Variants in FRG2C observed in about 807,000 individuals in gnomAD.
The protein encoded by FRG2C is FSHD region gene 2 family member C, also known as protein FRG2-like-2.
A neutral mutation model predicts 14.1 loss-of-function variants in FRG2C; 8 were observed. The ratio of observed to expected loss-of-function variants is 0.57; its 90% CI spans 0.33 to 1.02. The LOEUF (loss-of-function observed/expected upper bound fraction) is 1.02. Ranked by LOEUF, FRG2C falls within the 50% of genes least tolerant of loss-of-function variation. The pLI is 0.03. For synonymous variants in FRG2C, 92 were observed against 127.4 expected (o/e 0.72, Z 1.87); for missense variants, 214 against 334.2 (o/e 0.64, Z 2.80).
chr3:75,665,400 TC>T, intron 3 of FRG2C, 126 bp from the exon 4 acceptor site: 5 of 1,492,062 alleles, frequency 3.4e-6, no homozygotes, highest in Non-Finnish European at 4.5e-6. Context: ...CTCACTTCAT[TC>T]CAGTCCTGAG....
chr3:75,664,698 T>A, intron 1 of FRG2C, 121 bp from the exon 2 acceptor site: 1 of 1,606,426 alleles, frequency 6.2e-7, no homozygotes. Context: ...TTGAGAAATG[T>A]GTTCACTCAT....
In FRG2C at chr3:75,665,956, T is replaced by C. The variant is rs1937086448; in HGVS notation, c.764T>C (p.Leu255Pro). The change falls in exon 4 of 4, where the codon CTG becomes CCG. Residue 255 changes from leucine (L) to proline (P), a missense_variant. Coordinates refer to ENST00000308062, the MANE Select transcript of FRG2C (RefSeq NM_001124759.5). ...CTGCCTGGTCCTGGGGATTCAGCCCTGGATAGAGAAGCCCATCCCTTCCCT... is the reference window on the plus strand; with the variant it reads ...CTGCCTGGTCCTGGGGATTCAGCCCCGGATAGAGAAGCCCATCCCTTCCCT... ...ATLPGPGDSA[L>P]DREAHPFPGQ... is the part of the protein sequence containing the mutation. 1.2e-6 allele frequency: 2 copies of C among 1,612,282 alleles called. No homozygotes were observed. The highest frequency in any genetic ancestry group is 1.7e-6 in the Non-Finnish European group (2 of 1,179,878).
intron 3 of FRG2C, 94 bp downstream of exon 3, chr3:75,665,297 G>C: frequency 6.9e-7 from 1 of 1,449,054 alleles, no homozygotes; most frequent in South Asian, 1.2e-5. Flanking sequence ...ACTTTTATAC[G>C]AGGCTTGAGC....
chr3:75,664,673 T>G, intron 1 of FRG2C, 116 bp downstream of exon 1: 10 of 1,610,296 alleles, frequency 6.2e-6, no homozygotes, highest in Non-Finnish European at 8.5e-6. Flanking sequence ...AATGGCTTAG[T>G]GCCCTTAGGG....
intron 3 of FRG2C, 50 bp from the exon 4 acceptor site, chr3:75,665,477 A>C (rs1172465527): frequency 2.5e-6 from 4 of 1,576,876 alleles, no homozygotes; most frequent in East Asian, 4.5e-5. Context: ...TCTGGAAATG[A>C]GGGTCTGTGG....
rs1312112626 is a variant in FRG2C, at chr3:75,665,729, T to G, written c.537T>G (p.Ser179=). ...CACTTCGAAAAAGCTTGGTGACCTC[T>G]GTGCGAGCTATGTCGGAGGCTGTTT... is the stretch of plus-strand genomic sequence containing the variant. ...TPSLRKSLVT[S]VRAMSEAVYQ... is the part of the protein sequence containing the mutation. The change falls in exon 4 of 4, where the codon TCT becomes TCG. Residue 179 remains serine, a synonymous_variant. Coordinates refer to ENST00000308062, the MANE Select transcript of FRG2C (RefSeq NM_001124759.5). The G allele has an allele frequency of 2.2e-5, 36 of 1,614,068 alleles. No individual in the cohort carries two copies. The East Asian group carries it at 6.2e-4, about 28-fold the overall frequency.
Position 75,665,535 on chromosome 3 carries a change from C to A in FRG2C, c.343C>A (p.Pro115Thr). ...ACATGCTTTCTTTGCAGGGAACTGTCCAGAAGAGGAGTGCAACTTGACGTT... is the reference window on the plus strand; with the variant it reads ...ACATGCTTTCTTTGCAGGGAACTGTACAGAAGAGGAGTGCAACTTGACGTT... ...DICQDRAGNC[P>T]EEECNLTLNK... The change falls in exon 4 of 4, where the codon CCA becomes ACA. Residue 115 changes from proline (P) to threonine (T), a missense_variant. Transcript: ENST00000308062. The A allele has an allele frequency of 6.2e-7, 1 of 1,613,670 alleles. No individual in the cohort carries two copies. Among genetic ancestry groups the A allele is most frequent in the Non-Finnish European group, 8.5e-7 (1 of 1,179,696 alleles).
At chr3:75,664,658 T>G (rs1402443228) in intron 1 of FRG2C, 101 bp downstream of exon 1, 4 of 1,611,000 alleles carry the variant, frequency 2.5e-6, no homozygotes, top group South Asian at 1.1e-5. Context: ...GATTTGGGGA[T>G]GGGAAATGGC....
At position 75,664,451 on chromosome 3, in the gene FRG2C, C is replaced by G; in HGVS notation, c.72C>G (p.Phe24Leu). 6.2e-7 allele frequency: 1 copy of G among 1,612,404 alleles called. No homozygotes were observed. The highest frequency in any genetic ancestry group is 1.3e-5 in the African/African-American group (1 of 75,030). Reference sequence around the variant, plus strand: ...AGTGCTCCACTGACCAGCCCCCTTTCCAACAGATCTCCTTTACAGAAAAGG... The same window carrying G: ...AGTGCTCCACTGACCAGCCCCCTTTGCAACAGATCTCCTTTACAGAAAAGG... The part of the protein sequence containing the change: ...SIQCSTDQPP[F>L]QQISFTEKGS... Residue 24 changes from phenylalanine to leucine, a missense_variant, in exon 1 of 4, where the codon TTC (phenylalanine) becomes TTG (leucine). Transcript: ENST00000308062.
Position 75,667,154 on chromosome 3 carries a change from ATGT to A in FRG2C, c.*1118_*1120del, listed in dbSNP as rs1281657870. 6.6e-6 allele frequency: 1 copy of A among 152,250 alleles called. No homozygotes were observed. The highest frequency in any genetic ancestry group is 2.1e-4 in the South Asian group (1 of 4,836). The allele number at this position is 152,250 out of a possible 1,614,324, so 9.4% of individuals were successfully genotyped here. A position where few individuals can be genotyped will look rare whatever the true frequency, so the allele number is the denominator to read the frequency against. The stretch of plus-strand genomic sequence containing the variant: ...TTATGTAATAATGAAATAAACATTA[ATGT>A]TGTTTGGAATTTTAAATTTCTTTCA... On this transcript the variant is annotated 3_prime_UTR_variant, in exon 4 of 4. Coordinates refer to ENST00000308062, the MANE Select transcript of FRG2C (RefSeq NM_001124759.5).
rs1937059665 is a variant in FRG2C, at chr3:75,665,285, A to ATCCT, written c.334+82_334+83insTCCT. The ATCCT allele has an allele frequency of 2.7e-6, 4 of 1,490,520 alleles. No homozygotes were observed. In the African/African-American group the frequency reaches 5.5e-5, roughly 21 times the overall value. 92.3% of individuals were successfully genotyped at this position (1,490,520 alleles called of 1,614,324 possible). On this transcript the variant is annotated intron_variant, in intron 3 of 3. Transcript: ENST00000308062. ...TTGCCCCAAAAGGCAAATAATCAGG[A>ATCCT]AACTTTTATACGAGGCTTGAGCGGA...
In FRG2C at chr3:75,665,925, G is replaced by A. The variant is rs1264054114; in HGVS notation, c.733G>A (p.Ala245Thr). The A allele has an allele frequency of 4.3e-6, 7 of 1,613,002 alleles. No individual in the cohort carries two copies. In the Admixed American group the frequency reaches 8.3e-5, roughly 19 times the overall value. The change falls in exon 4 of 4, where the codon GCC becomes ACC. Residue 245 changes from alanine to threonine, a missense_variant. Around this residue, in one of 3 missense-constraint regions of FRG2C, gnomAD observed 55 missense variants for 118.9 expected, o/e 0.46. Coordinates refer to ENST00000308062, the MANE Select transcript of FRG2C (RefSeq NM_001124759.5). ...VFPAESWLVP[A>T]TLPGPGDSAL... ...CCCTGCTGAGAGCTGGCTTGTCCCA[G>A]CCACACTGCCTGGTCCTGGGGATTC...
rs1291831434 is a variant in FRG2C at position 75,665,554 on chromosome 3, T to C, written c.362T>C (p.Leu121Ser). ...AACTGTCCAGAAGAGGAGTGCAACT[T>C]GACGTTGAATAAAAAATCAAGATCC... ...AGNCPEEECN[L>S]TLNKKSRSST... is the part of the protein sequence containing the mutation. The change falls in exon 4 of 4, where the codon TTG becomes TCG. Residue 121 changes from leucine to serine, a missense_variant. Physicochemically the swap from Leu to Ser is moderately radical, Grantham distance 145. Coordinates refer to ENST00000308062, the MANE Select transcript of FRG2C (RefSeq NM_001124759.5). 4 of 1,613,816 alleles carry C rather than the reference T, an allele frequency of 2.5e-6. No individual in the cohort carries two copies. The Admixed American group carries it at 5.0e-5, about 20-fold the overall frequency.
At chr3:75,664,953 G>A (rs1937046180) in intron 2 of FRG2C, 57 bp downstream of exon 2, 3 of 1,613,866 alleles carry the variant, frequency 1.9e-6, no homozygotes, top group African/African-American at 2.7e-5. Context: ...AGGCTCCCCT[G>A]GCAAGGAAAC....
rs1937086857 is a variant in FRG2C at position 75,665,966 on chromosome 3, A to T, written c.774A>T (p.Glu258Asp). ...CTGGGGATTCAGCCCTGGATAGAGAAGCCCATCCCTTCCCTGGGCAGGAGA... is the reference window on the plus strand; with the variant it reads ...CTGGGGATTCAGCCCTGGATAGAGATGCCCATCCCTTCCCTGGGCAGGAGA... ...PGPGDSALDR[E>D]AHPFPGQEIT... The change falls in exon 4 of 4, where the codon GAA (glutamate) becomes GAT (aspartate). Residue 258 changes from glutamate to aspartate, a missense_variant. Transcript: ENST00000308062. The T allele has an allele frequency of 2.5e-6, 4 of 1,612,246 alleles. No individual in the cohort carries two copies. Among genetic ancestry groups the T allele is most frequent in the Non-Finnish European group, 3.4e-6 (4 of 1,179,880 alleles).
rs1448013032 is a variant in FRG2C, at chr3:75,665,133, G to A, written c.264G>A (p.Glu88=). 4 of 1,614,014 alleles carry A rather than the reference G, an allele frequency of 2.5e-6. No individual in the cohort carries two copies. The highest frequency in any genetic ancestry group is 2.5e-6 in the Non-Finnish European group (3 of 1,179,794). ...CTCTCATTGTGTTCACAGAACCAGAGTCCAGCTCATATCAGGAAAACTGCA... is the reference window on the plus strand; with the variant it reads ...CTCTCATTGTGTTCACAGAACCAGAATCCAGCTCATATCAGGAAAACTGCA... The part of the protein sequence containing the change: ...AGNSTAGSEP[E]SSSYQENCRK... The change falls in exon 3 of 4, where the codon GAG becomes GAA. Residue 88 remains glutamate, a synonymous_variant. Transcript: ENST00000308062.
In FRG2C at chr3:75,664,350, A is replaced by T; in HGVS notation, c.-30A>T. The T allele has an allele frequency of 6.2e-7, 1 of 1,612,120 alleles. No homozygotes were observed. The highest frequency in any genetic ancestry group is 8.5e-7 in the Non-Finnish European group (1 of 1,179,878). On this transcript the variant is annotated 5_prime_UTR_variant, in exon 1 of 4. An upstream open reading frame in the 5' UTR loses its in-frame stop. Coordinates refer to ENST00000308062, the MANE Select transcript of FRG2C (RefSeq NM_001124759.5). ...CCCACACTCTGCCTTTGGACATGTG[A>T]GAGAGCGCACCTTTCACTTGAGCTT...
rs1379305606 is a variant in FRG2C, at chr3:75,664,357, G to A, written c.-23G>A. The stretch of plus-strand genomic sequence containing the variant: ...TCTGCCTTTGGACATGTGAGAGAGC[G>A]CACCTTTCACTTGAGCTTCAACATG... On this transcript the variant is annotated 5_prime_UTR_variant, in exon 1 of 4. Coordinates refer to ENST00000308062, the MANE Select transcript of FRG2C (RefSeq NM_001124759.5). 3.5e-5 allele frequency: 57 copies of A among 1,612,004 alleles called. No individual in the cohort carries two copies. Among genetic ancestry groups the A allele is most frequent in the African/African-American group, 2.8e-4 (21 of 74,886 alleles).
intron 1 of FRG2C, 60 bp downstream of exon 1, chr3:75,664,617 G>A (rs1427511694): frequency 2.6e-4 from 415 of 1,613,820 alleles, no homozygotes; most frequent in Admixed American, 3.5e-4. Flanking sequence ...GGGATACTGA[G>A]CTATGTGTCT....
Sources: gnomAD v4.1 joint callset for allele counts on GRCh38, gnomAD v4.1.1 for gene constraint, gnomAD v4.1.1 regional missense constraint, MANE v1.5 for transcripts, NCBI Gene and HGNC (gene_info 2026-07-23, HGNC 2026-07-21) for gene names.